CDH4: variants seen among roughly 807,000 people sequenced by gnomAD.
CDH4 encodes the protein cadherin 4.
CDH4 carries 33 observed loss-of-function variants against 86.0 expected under a neutral mutation model. That is an observed-to-expected ratio of 0.38 (90% CI 0.29 to 0.51). The LOEUF is 0.51. Ranked by LOEUF, CDH4 falls within the 20% of genes least tolerant of loss-of-function variation. CDH4 has a pLI of 0.86. For synonymous variants in CDH4, 555 were observed against 549.4 expected, an observed-to-expected ratio of 1.01 and a Z score of -0.14; for missense variants, 1,114 against 1,307.4, an observed-to-expected ratio of 0.85 and a Z score of 2.28.
rs1472730279 is a variant in CDH4 at position 61,518,620 on chromosome 20, C to T, written c.170-224943C>T. 6.6e-6 allele frequency among the ~76,000 whole-genome samples: 1 copy of T among 152,014 alleles called. No homozygotes were observed. Among genetic ancestry groups the T allele is most frequent in the Non-Finnish European group, 1.5e-5 (1 of 67,990 alleles). ...ATCATCATCCACTCATCCATCCATC[C>T]TTCATCCACCTAACCATTTATCCAT... On this transcript the variant is annotated intron_variant, in intron 2 of 15. Coordinates refer to ENST00000614565, the MANE Select transcript of CDH4 (RefSeq NM_001794.5). This position sits in a 1 kb window ranked among gnomAD's most constrained non-coding sequence, Gnocchi z 6.3.
At chr20:61,748,225 C>T (rs556002390) in intron 3 of CDH4, among the ~76,000 whole-genome samples, 2 of 152,166 alleles carry the variant, frequency 1.3e-5, no homozygotes, top group African/African-American at 4.8e-5. Context: ...CTCCACCTCC[C>T]GGGTTTAAGT....
intron 2 of CDH4, among the ~76,000 whole-genome samples, chr20:61,332,295 T>C (rs1004853919): frequency 6.6e-6 from 1 of 152,184 alleles, no homozygotes; most frequent in Non-Finnish European, 1.5e-5. Flanking sequence ...TCTCTGTGGC[T>C]ATGGATTCAG....
chr20:61,438,874 A>C (rs1282401670), intron 2 of CDH4, among the ~76,000 whole-genome samples: 1 of 152,014 alleles, frequency 6.6e-6, no homozygotes, highest in African/African-American at 2.4e-5. Context: ...AGGAAGCTCA[A>C]TTCATTTTCA....
At chr20:61,267,897 C>T (rs543397822) in intron 2 of CDH4, among the ~76,000 whole-genome samples, 2 of 152,344 alleles carry the variant, frequency 1.3e-5, no homozygotes, top group Admixed American at 6.5e-5. Flanking sequence ...TCCTGTGTTT[C>T]CAGCAGCTGT....
Position 61,902,172 on chromosome 20 carries a change from C to G in CDH4, c.1188+7125C>G, listed in dbSNP as rs2054733695. Among the ~76,000 whole-genome samples the G allele has an allele frequency of 6.6e-6, 1 of 152,214 alleles. No individual in the cohort carries two copies. Among genetic ancestry groups the G allele is most frequent in the Non-Finnish European group, 1.5e-5 (1 of 68,040 alleles). ...AGTTCCAGAATCGTGAAAGGCGGGTCCTCGGCAGGCGTGGAGGCATCGTGG... is the reference window on the plus strand; with the variant it reads ...AGTTCCAGAATCGTGAAAGGCGGGTGCTCGGCAGGCGTGGAGGCATCGTGG... On this transcript the variant is annotated intron_variant, in intron 8 of 15. Coordinates refer to ENST00000614565, the MANE Select transcript of CDH4 (RefSeq NM_001794.5). The surrounding 1 kb of genome is among the most constrained non-coding windows in gnomAD (Gnocchi z 4.6).
intron 8 of CDH4, among the ~76,000 whole-genome samples, chr20:61,899,459 G>A (rs1023645138): frequency 2.0e-5 from 3 of 151,954 alleles, no homozygotes; most frequent in Non-Finnish European, 2.9e-5. Context: ...ACAGAGTCTC[G>A]CTCTGTCGCC....
At chr20:61,599,345 G>A (rs927095381) in intron 2 of CDH4, among the ~76,000 whole-genome samples, 9 of 152,222 alleles carry the variant, frequency 5.9e-5, no homozygotes, top group African/African-American at 1.7e-4. Flanking sequence ...GAGGGGGCAC[G>A]CTGGATGGAT....
Position 61,931,639 on chromosome 20 carries a change from T to C in CDH4, c.2240-1346T>C, listed in dbSNP as rs77835421. On this transcript the variant is annotated intron_variant, in intron 13 of 15. Coordinates refer to ENST00000614565, the MANE Select transcript of CDH4 (RefSeq NM_001794.5). ...CTTCAGGAGGATGCAGTGGAGTGGT[T>C]TGTGCAGGCATTTACTGGGGGCGTG... Among the ~76,000 whole-genome samples, 1,149 of 152,274 alleles carry C rather than the reference T, an allele frequency of 7.5e-3. 15 individuals are homozygous for C. Among genetic ancestry groups the C allele is most frequent in the African/African-American group, 0.025 (1,056 of 41,558 alleles).
intron 2 of CDH4, among the ~76,000 whole-genome samples, chr20:61,733,177 C>T (rs573065897): frequency 1.1e-4 from 17 of 152,224 alleles, no homozygotes; most frequent in African/African-American, 2.6e-4. Context: ...CAGTTGCTAC[C>T]GCTGCTGATG....
chr20:61,748,188 A>G (rs567189850), intron 3 of CDH4, among the ~76,000 whole-genome samples: 2 of 152,286 alleles, frequency 1.3e-5, no homozygotes, highest in South Asian at 4.1e-4. Flanking sequence ...ACTGCAGTGC[A>G]GTGGCGCAAT....
At chr20:61,691,404 AGTGGATGT>A (rs1202046323) in intron 2 of CDH4, among the ~76,000 whole-genome samples, 30 of 150,022 alleles carry the variant, frequency 2.0e-4, no homozygotes, top group East Asian at 1.6e-3. Flanking sequence ...TGTGTGTGCA[AGTGGATGT>A]GTGGATGTGT....
chr20:61,556,067 C>A (rs993336472), intron 2 of CDH4, among the ~76,000 whole-genome samples: 2 of 152,196 alleles, frequency 1.3e-5, no homozygotes, highest in African/African-American at 4.8e-5. Context: ...GTGTACCCCC[C>A]ATGTGGGAGA....
chr20:61,580,122 C>A (rs77225615), intron 2 of CDH4, among the ~76,000 whole-genome samples: 9,065 of 139,546 alleles, frequency 0.065, 581 homozygotes, highest in African/African-American at 0.16. Flanking sequence ...TACACTGCTA[C>A]AAAAAAAAAA....
intron 2 of CDH4, among the ~76,000 whole-genome samples, chr20:61,328,770 G>C (rs1300908165): frequency 6.6e-6 from 1 of 152,192 alleles, no homozygotes; most frequent in East Asian, 1.9e-4. Context: ...TGAAGTGACA[G>C]AGGGAGACTG....
At chr20:61,359,806 AC>A (rs2123316664) in intron 2 of CDH4, among the ~76,000 whole-genome samples, 1 of 152,300 alleles carries the variant, frequency 6.6e-6, no homozygotes, top group Non-Finnish European at 1.5e-5. Context: ...CAGAGGCTTC[AC>A]CCCAGCGAGA....
At chr20:61,934,733 CCACCCCA>C (rs993330328) in intron 15 of CDH4, among the ~76,000 whole-genome samples, 6 of 149,162 alleles carry the variant, frequency 4.0e-5, no homozygotes, top group East Asian at 4.6e-4. Flanking sequence ...CCTCCCCACC[CCACCCCA>C]CACCCCAAAC....
At chr20:61,882,465 C>T (rs980205685) in intron 7 of CDH4, among the ~76,000 whole-genome samples, 1 of 152,182 alleles carries the variant, frequency 6.6e-6, no homozygotes, top group South Asian at 2.1e-4. Context: ...TATTCAAATC[C>T]CGCCTTCTGG....
intron 2 of CDH4, among the ~76,000 whole-genome samples, chr20:61,443,956 CTG>C (rs2085327762): frequency 1.1e-5 from 1 of 93,206 alleles, no homozygotes; most frequent in South Asian, 3.2e-4. Flanking sequence ...GTGTGTGTGT[CTG>C]TGTGTGTATC....
At position 61,697,485 on chromosome 20, in the gene CDH4, C is replaced by T. The variant is rs562126246; in HGVS notation, c.170-46078C>T. 1.5e-4 allele frequency among the ~76,000 whole-genome samples: 23 copies of T among 152,242 alleles called. No homozygotes were observed. The South Asian group carries it at 4.4e-3, about 29-fold the overall frequency. ...TGGTGGTGGACACTTGTAATGCCAG[C>T]TACTCGGGAGGCTGAGGAAGGAGAA... On this transcript the variant is annotated intron_variant, in intron 2 of 15. Transcript: ENST00000614565.
Sources: gnomAD v4.1 joint callset for allele counts (sites outside exome capture counted in the v4.1 genomes callset) on GRCh38, gnomAD v4.1.1 for gene constraint, Gnocchi (gnomAD v3.1) non-coding constraint, MANE v1.5 for transcripts, NCBI Gene and HGNC (gene_info 2026-07-23, HGNC 2026-07-21) for gene names.